The following BCKDHB variants were observed in gnomAD, a reference collection of about 807,000 sequenced individuals.
The protein encoded by BCKDHB is branched chain keto acid dehydrogenase E1 subunit beta.
In BCKDHB, 41 loss-of-function variants were observed where a neutral mutation model predicts 48.5. That is an observed-to-expected ratio of 0.85 (90% CI 0.66 to 1.10). The LOEUF is 1.10. BCKDHB is among the 50% of genes least tolerant of loss of function. The pLI is 0.00. For synonymous variants in BCKDHB, 201 were observed against 174.8 expected (o/e 1.15, Z -1.18); for missense variants, 496 against 494.2 (o/e 1.00, Z -0.03).
At chr6:80,423,381 C>A in the BCKDHB span, among the ~76,000 whole-genome samples, 4 of 152,274 alleles carry the variant, frequency 2.6e-5, no homozygotes, top group South Asian at 8.3e-4. Context: ...CAGGCTCTAA[C>A]AAAGATATTC....
At chr6:80,256,074 G>A (rs770889053) in intron 8 of BCKDHB, among the ~76,000 whole-genome samples, 3 of 152,050 alleles carry the variant, frequency 2.0e-5, no homozygotes, top group Admixed American at 6.6e-5. Flanking sequence ...TCTTTGGATC[G>A]TCAAAGTAGT....
chr6:80,259,077 T>C (rs1777180106), intron 8 of BCKDHB, among the ~76,000 whole-genome samples: 1 of 152,242 alleles, frequency 6.6e-6, no homozygotes, highest in Non-Finnish European at 1.5e-5. Flanking sequence ...GAAGGCAGTG[T>C]AGATATACTT....
the BCKDHB span, among the ~76,000 whole-genome samples, chr6:80,432,949 G>A: frequency 6.6e-6 from 1 of 152,264 alleles, no homozygotes; most frequent in East Asian, 1.9e-4. Flanking sequence ...GTTTGCTGGA[G>A]GTCCACTCCA....
the BCKDHB span, among the ~76,000 whole-genome samples, chr6:80,456,276 G>A: frequency 6.6e-6 from 1 of 151,152 alleles, no homozygotes; most frequent in Admixed American, 6.6e-5. Flanking sequence ...ACAACACATA[G>A]TGCTTTTCAC....
chr6:80,442,346 A>G, the BCKDHB span, among the ~76,000 whole-genome samples: 1 of 152,212 alleles, frequency 6.6e-6, no homozygotes, highest in Non-Finnish European at 1.5e-5. Context: ...ATATTATAGT[A>G]GACCATCCTA....
At chr6:80,114,699 G>T (rs1290364416) in intron 1 of BCKDHB, among the ~76,000 whole-genome samples, 1 of 152,212 alleles carries the variant, frequency 6.6e-6, no homozygotes, top group Non-Finnish European at 1.5e-5. Context: ...AGATGGAAAA[G>T]ATTAGTTTTG....
At chr6:80,387,678 A>G in the BCKDHB span, among the ~76,000 whole-genome samples, 1 of 152,240 alleles carries the variant, frequency 6.6e-6, no homozygotes, top group African/African-American at 2.4e-5. Flanking sequence ...ACTCCTGTCC[A>G]TTAGGCCCAC....
chr6:80,457,577 T>C, the BCKDHB span, among the ~76,000 whole-genome samples: 1 of 152,190 alleles, frequency 6.6e-6, no homozygotes, highest in Non-Finnish European at 1.5e-5. Context: ...GGCTCACTCA[T>C]TCTCTTTGGA....
At chr6:80,374,779 G>C in the BCKDHB span, among the ~76,000 whole-genome samples, 1 of 152,068 alleles carries the variant, frequency 6.6e-6, no homozygotes, top group African/African-American at 2.4e-5. Context: ...ATTTTATTTT[G>C]TGTATTTCAA....
chr6:80,152,366 A>T (rs1741315213), intron 3 of BCKDHB, among the ~76,000 whole-genome samples: 1 of 152,202 alleles, frequency 6.6e-6, no homozygotes, highest in Non-Finnish European at 1.5e-5. Context: ...TTACATGACA[A>T]GACTGTTATT....
intron 5 of BCKDHB, among the ~76,000 whole-genome samples, chr6:80,169,240 G>A (rs1268718892): frequency 6.6e-6 from 1 of 152,042 alleles, no homozygotes. Context: ...TTTTGAAGGA[G>A]GACTGGTTTT....
the BCKDHB span, among the ~76,000 whole-genome samples, chr6:80,464,998 GAC>G: frequency 6.6e-6 from 1 of 152,196 alleles, no homozygotes; most frequent in Non-Finnish European, 1.5e-5. Context: ...GAGAAAGTAA[GAC>G]AGAGGAAATT....
the BCKDHB span, among the ~76,000 whole-genome samples, chr6:80,364,728 A>G: frequency 2.6e-5 from 4 of 152,210 alleles, no homozygotes; most frequent in African/African-American, 9.6e-5. Context: ...TGATAACAGG[A>G]ACAAATGTTG....
the BCKDHB span, among the ~76,000 whole-genome samples, chr6:80,431,981 G>A: frequency 6.6e-6 from 1 of 151,942 alleles, no homozygotes; most frequent in Non-Finnish European, 1.5e-5. Context: ...TGAAATTCTG[G>A]GTTGAAAATT....
intron 9 of BCKDHB, among the ~76,000 whole-genome samples, chr6:80,335,381 A>G (rs950157487): frequency 6.6e-6 from 1 of 152,074 alleles, no homozygotes; most frequent in African/African-American, 2.4e-5. Flanking sequence ...CAGTGCTGCA[A>G]GTCGCTTATG....
At position 80,235,587 on chromosome 6, in the gene BCKDHB, CA is replaced by C. The variant is rs1776116213; in HGVS notation, c.951+32376del. Among the ~76,000 whole-genome samples the C allele has an allele frequency of 2.0e-5, 3 of 152,284 alleles. No homozygotes were observed. In the South Asian group the frequency reaches 6.2e-4, roughly 32 times the overall value. ...ATCTAGGTTAATCTGATATTAAACC[CA>C]TGTTCTTGATCTTTGAGGTACATTT... On this transcript the variant is annotated intron_variant, in intron 8 of 9. Transcript: ENST00000320393.
chr6:80,142,263 A>G (rs1239780934), intron 3 of BCKDHB, among the ~76,000 whole-genome samples: 1 of 152,108 alleles, frequency 6.6e-6, no homozygotes, highest in East Asian at 1.9e-4. Flanking sequence ...ACAAATATAT[A>G]TTGAAATTTT....
At chr6:80,373,075 T>A in the BCKDHB span, among the ~76,000 whole-genome samples, 3 of 152,154 alleles carry the variant, frequency 2.0e-5, no homozygotes, top group Non-Finnish European at 4.4e-5. Flanking sequence ...ATCCATCTGG[T>A]CCTGGAATTT....
At position 80,248,360 on chromosome 6, in the gene BCKDHB, A is replaced by G. The variant is rs7776373; in HGVS notation, c.952-24775A>G. Reference sequence around the variant, plus strand: ...ATACACTGCTTTTTTATACTGAACTACATTCTGCGTTGCTTGGTTTTGTTT... The same window carrying G: ...ATACACTGCTTTTTTATACTGAACTGCATTCTGCGTTGCTTGGTTTTGTTT... On this transcript the variant is annotated intron_variant, in intron 8 of 9. Coordinates refer to ENST00000320393, the MANE Select transcript of BCKDHB (RefSeq NM_183050.4). Among the ~76,000 whole-genome samples, 1,410 of 152,266 alleles carry G rather than the reference A, an allele frequency of 9.3e-3. 30 individuals carry two copies. Among genetic ancestry groups the G allele is most frequent in the African/African-American group, 0.032 (1,341 of 41,562 alleles).
Sources: allele counts gnomAD v4.1 joint callset (sites outside exome capture counted in the v4.1 genomes callset), GRCh38; gene constraint gnomAD v4.1.1; transcripts MANE v1.5; gene names NCBI Gene and HGNC (gene_info 2026-07-23, HGNC 2026-07-21).